Variants in CCDC171 observed in about 807,000 individuals in gnomAD.
CCDC171 encodes coiled-coil domain-containing protein 171.
CCDC171 carries 177 observed loss-of-function variants against 168.2 expected under a neutral mutation model. That is an observed-to-expected ratio of 1.05 (90% CI 0.93 to 1.19). CCDC171 has a LOEUF of 1.19. CCDC171 is among the 50% of genes most tolerant of loss of function. CCDC171 has a pLI of 0.00. For missense variants in CCDC171, 1,991 were observed against 1,539.0 expected, an observed-to-expected ratio of 1.29 and a Z score of -4.91; for synonymous variants, 687 against 540.8, an observed-to-expected ratio of 1.27 and a Z score of -3.75.
In CCDC171 at chr9:15,858,679, ATTTT is replaced by A. The variant is rs961854833; in HGVS notation, c.3468+9737_3468+9740del. On this transcript the variant is annotated intron_variant, in intron 23 of 25. Transcript: ENST00000380701. ...TCTTTTTGATGTGGTTATAAGTGTG[ATTTT>A]TTTTAGTGTTTACCTTGGTGTTTAC... Among the ~76,000 whole-genome samples the A allele has an allele frequency of 2.0e-5, 3 of 151,684 alleles. No homozygotes were observed. The East Asian group carries it at 5.8e-4, about 29-fold the overall frequency.
rs1052356757 is a variant in CCDC171, at chr9:15,947,888, A to G, written c.3754-23721A>G. 7.4e-4 allele frequency among the ~76,000 whole-genome samples: 112 copies of G among 151,756 alleles called. 1 individual carries two copies. Among genetic ancestry groups the G allele is most frequent in the African/African-American group, 2.4e-3 (101 of 41,322 alleles). On this transcript the variant is annotated intron_variant, in intron 25 of 25. Coordinates refer to ENST00000380701, the MANE Select transcript of CCDC171 (RefSeq NM_173550.4). ...TGTGCACAATGTGCAGGTTAGTTAC[A>G]TATGTATACATGTGCCATGCTGGTG... is the stretch of plus-strand genomic sequence containing the variant.
the CCDC171 span, among the ~76,000 whole-genome samples, chr9:16,082,300 T>C: frequency 6.6e-6 from 1 of 152,210 alleles, no homozygotes; most frequent in African/African-American, 2.4e-5. Flanking sequence ...TTCCAACATT[T>C]CTAATCAAGT....
intron 4 of CCDC171, among the ~76,000 whole-genome samples, chr9:15,581,939 A>T (rs1208998822): frequency 6.6e-6 from 1 of 152,240 alleles, no homozygotes; most frequent in Non-Finnish European, 1.5e-5. Flanking sequence ...ATGGGATCTA[A>T]TTAAACTAAA....
intron 1 of CCDC171, among the ~76,000 whole-genome samples, chr9:16,043,142 A>G (rs1003866939): frequency 5.3e-5 from 8 of 152,150 alleles, no homozygotes; most frequent in African/African-American, 1.9e-4. Flanking sequence ...GAGGTTGGGG[A>G]AAAAAAGCAG....
chr9:15,680,666 A>C (rs1216886113), intron 10 of CCDC171, among the ~76,000 whole-genome samples: 1 of 152,170 alleles, frequency 6.6e-6, no homozygotes, highest in Non-Finnish European at 1.5e-5. Context: ...ATGTTTTAGA[A>C]AGTTAAGAGC....
intron 6 of CCDC171, among the ~76,000 whole-genome samples, 191 bp downstream of exon 6, chr9:15,594,363 G>C (rs745552179): frequency 2.0e-5 from 3 of 152,082 alleles, no homozygotes; most frequent in Non-Finnish European, 2.9e-5. Flanking sequence ...AGTGTTTAGA[G>C]TTCAGTGATT....
At chr9:15,705,091 G>GACACACACAC (rs3082789) in intron 11 of CCDC171, among the ~76,000 whole-genome samples, 5,310 of 147,678 alleles carry the variant, frequency 0.036, 128 homozygotes, top group African/African-American at 0.064. Flanking sequence ...GTATCCTTAC[G>GACACACACAC]ACACACACAC....
intron 18 of CCDC171, among the ~76,000 whole-genome samples, chr9:15,747,877 C>T (rs1285684288): frequency 6.6e-6 from 1 of 152,144 alleles, no homozygotes; most frequent in Non-Finnish European, 1.5e-5. Flanking sequence ...AGCAAGGGAA[C>T]AAAATTAGAC....
intron 11 of CCDC171, among the ~76,000 whole-genome samples, chr9:15,705,550 G>T (rs2052155402): frequency 6.6e-6 from 1 of 152,108 alleles, no homozygotes; most frequent in Non-Finnish European, 1.5e-5. Flanking sequence ...TTTACCTAGT[G>T]TATCTGTATA....
intron 24 of CCDC171, among the ~76,000 whole-genome samples, chr9:15,884,590 C>T (rs868217953): frequency 2.6e-5 from 4 of 152,106 alleles, no homozygotes; most frequent in Admixed American, 6.6e-5. Flanking sequence ...GGGAAGGAGT[C>T]AGCAAGGTAG....
chr9:16,007,515 T>C (rs1190344949), intron 3 of CCDC171, among the ~76,000 whole-genome samples: 1 of 152,238 alleles, frequency 6.6e-6, no homozygotes, highest in Non-Finnish European at 1.5e-5. Flanking sequence ...CCCATGCCTA[T>C]GTCCTGAATG....
At chr9:15,623,704 T>G (rs942520248) in intron 7 of CCDC171, among the ~76,000 whole-genome samples, 1 of 152,180 alleles carries the variant, frequency 6.6e-6, no homozygotes, top group African/African-American at 2.4e-5. Context: ...TTTGGGAAGT[T>G]TGAGAGTAAT....
chr9:16,010,067 C>T lies in CCDC171; in HGVS notation n.369-10522C>T, dbSNP rs544058297. Among the ~76,000 whole-genome samples, 4 of 152,272 alleles carry T rather than the reference C, an allele frequency of 2.6e-5. No homozygotes were observed. The East Asian group carries it at 7.7e-4, about 29-fold the overall frequency. The stretch of plus-strand genomic sequence containing the variant: ...TTATATCCTTACATCCCAAGTGCCT[C>T]AACAGAGTACCCAACATAGAGTAGA... On this transcript the variant is annotated intron_variant and non_coding_transcript_variant, in intron 3 of 9. Coordinates refer to the CCDC171 transcript ENST00000486641.
the CCDC171 span, among the ~76,000 whole-genome samples, chr9:16,080,871 A>G: frequency 6.5e-3 from 988 of 152,194 alleles, 9 homozygotes; most frequent in African/African-American, 0.022. Context: ...CTCTGACCAT[A>G]GTCAGTAGTT....
chr9:15,959,499 A>T lies in CCDC171; in HGVS notation c.3754-12110A>T, dbSNP rs571919110. 7.2e-5 allele frequency among the ~76,000 whole-genome samples: 11 copies of T among 152,300 alleles called. No homozygotes were observed. The East Asian group carries it at 2.1e-3, about 29-fold the overall frequency. ...AGAGATGACTTGTTTACAAAAATAA[A>T]AGTATGTTTAGGCCAGAAAAAGTGA... On this transcript the variant is annotated intron_variant, in intron 25 of 25. Coordinates refer to ENST00000380701, the MANE Select transcript of CCDC171 (RefSeq NM_173550.4).
chr9:15,660,016 T>TAA (rs1465040671), intron 8 of CCDC171, among the ~76,000 whole-genome samples: 2 of 152,092 alleles, frequency 1.3e-5, no homozygotes, highest in Admixed American at 6.5e-5. Flanking sequence ...TTTAAAGACT[T>TAA]ACACTTTTTT....
intron 10 of CCDC171, among the ~76,000 whole-genome samples, chr9:15,684,261 G>C (rs2050232483): frequency 6.6e-6 from 1 of 151,728 alleles, no homozygotes; most frequent in Admixed American, 6.6e-5. Context: ...AGTTTTACTT[G>C]AGTTCAAAAA....
chr9:16,033,920 A>T (rs927233530), intron 6 of CCDC171, among the ~76,000 whole-genome samples: 1 of 152,188 alleles, frequency 6.6e-6, no homozygotes, highest in African/African-American at 2.4e-5. Context: ...GTGCCCACAC[A>T]GGGAGCTCAA....
chr9:16,020,747 G>A (rs1394935530), exon 4 of CCDC171: 1 of 154,372 alleles, frequency 6.5e-6, no homozygotes, highest in East Asian at 1.9e-4. Context: ...CAGGTCCCAG[G>A]TGGGATGGTG....
Sources: allele counts gnomAD v4.1 joint callset (sites outside exome capture counted in the v4.1 genomes callset), GRCh38; gene constraint gnomAD v4.1.1; transcripts MANE v1.5; gene names NCBI Gene and HGNC (gene_info 2026-07-23, HGNC 2026-07-21).